The following GRM1 variants were observed in gnomAD, a reference collection of about 807,000 sequenced individuals.
GRM1 encodes metabotropic glutamate receptor 1.
GRM1 carries 33 observed loss-of-function variants against 90.9 expected under a neutral mutation model. That is an observed-to-expected ratio of 0.36 (90% CI 0.28 to 0.49). The LOEUF (loss-of-function observed/expected upper bound fraction) is 0.49. Among genes scored for constraint, GRM1 ranks in the 20% least tolerant of loss-of-function variants. The pLI is 0.99. For synonymous variants in GRM1, 700 were observed against 613.2 expected, an observed-to-expected ratio of 1.14 and a Z score of -2.09; for missense variants, 1,190 against 1,534.3, an observed-to-expected ratio of 0.78 and a Z score of 3.75.
intron 1 of GRM1, among the ~76,000 whole-genome samples, chr6:146,110,643 C>G (rs1365806702): frequency 6.6e-6 from 1 of 152,180 alleles, no homozygotes; most frequent in African/African-American, 2.4e-5. Context: ...CCATTCAAGT[C>G]TCCCTCCTTC....
intron 1 of GRM1, among the ~76,000 whole-genome samples, chr6:146,070,398 G>A (rs1449600972): frequency 1.3e-5 from 2 of 152,114 alleles, no homozygotes; most frequent in Non-Finnish European, 2.9e-5. Context: ...TAAGATTTAT[G>A]AAGGGGAAAA....
chr6:146,151,262 A>C (rs1777324523), intron 1 of GRM1, among the ~76,000 whole-genome samples: 5 of 152,226 alleles, frequency 3.3e-5, no homozygotes, highest in Admixed American at 3.3e-4. Flanking sequence ...TTTTAGTGAA[A>C]GTGTACAAAC....
intron 1 of GRM1, among the ~76,000 whole-genome samples, chr6:146,052,893 A>C (rs1007445521): frequency 6.6e-6 from 1 of 152,060 alleles, no homozygotes; most frequent in Admixed American, 6.6e-5. Context: ...CTAACAGGAC[A>C]CCGTCATATT....
At chr6:146,274,392 A>G (rs939590511) in intron 2 of GRM1, among the ~76,000 whole-genome samples, 2 of 152,202 alleles carry the variant, frequency 1.3e-5, no homozygotes, top group Non-Finnish European at 2.9e-5. Flanking sequence ...AAAGAATATC[A>G]CCTCCATACC....
chr6:146,208,749 C>T (rs1349915651), intron 2 of GRM1, among the ~76,000 whole-genome samples: 1 of 152,080 alleles, frequency 6.6e-6, no homozygotes, highest in African/African-American at 2.4e-5. Context: ...AGATAAATTA[C>T]TGGCAGTATT....
In GRM1 at chr6:146,081,874, G is replaced by A. The variant is rs73578814; in HGVS notation, c.700+51657G>A. ...ATACAAAGTTTATAAGTAAAATACT[G>A]TGGCAACAAAATAAAAATTATTTTT... is the stretch of plus-strand genomic sequence containing the variant. On this transcript the variant is annotated intron_variant, in intron 1 of 7. Coordinates refer to ENST00000282753, the MANE Select transcript of GRM1 (RefSeq NM_001278064.2). Among the ~76,000 whole-genome samples, 1,519 of 152,228 alleles carry A rather than the reference G, an allele frequency of 1.0e-2. 22 individuals are homozygous for A. Among genetic ancestry groups the A allele is most frequent in the African/African-American group, 0.035 (1,441 of 41,534 alleles).
chr6:146,296,953 T>C (rs1167582606), intron 2 of GRM1, among the ~76,000 whole-genome samples: 1 of 152,208 alleles, frequency 6.6e-6, no homozygotes, highest in African/African-American at 2.4e-5. Flanking sequence ...CAGATGGGTG[T>C]TAGAATCGAT....
chr6:146,076,511 G>A (rs138704839), intron 1 of GRM1, among the ~76,000 whole-genome samples: 151 of 152,250 alleles, frequency 9.9e-4, no homozygotes, highest in African/African-American at 1.3e-3. Context: ...GATATAGCTC[G>A]AAGGTTTGCT....
rs1208403701 is a variant in GRM1 at position 146,434,546 on chromosome 6, A to G, written c.3335A>G (p.Glu1112Gly). The change falls in exon 8 of 8, where the codon GAG becomes GGG. Residue 1112 changes from glutamate (E) to glycine (G), a missense_variant. Coordinates refer to ENST00000282753, the MANE Select transcript of GRM1 (RefSeq NM_001278064.2). ...RFKLLQEYVY[E>G]HEREGNTEED... ...AAGCTCCTCCAGGAGTACGTGTATG[A>G]GCACGAGCGGGAAGGGAACACGGAA... The G allele has an allele frequency of 6.2e-7, 1 of 1,614,082 alleles. No homozygotes were observed. The highest frequency in any genetic ancestry group is 8.5e-7 in the Non-Finnish European group (1 of 1,180,008).
At chr6:146,168,760 C>T (rs1778000341) in intron 2 of GRM1, among the ~76,000 whole-genome samples, 1 of 151,988 alleles carries the variant, frequency 6.6e-6, no homozygotes, top group South Asian at 2.1e-4. Context: ...GGTCAATACT[C>T]TAGAGATATT....
chr6:146,429,307 T>C (rs75695667), intron 7 of GRM1, among the ~76,000 whole-genome samples: 11,433 of 152,240 alleles, frequency 0.075, 805 homozygotes, highest in African/African-American at 0.19. Context: ...ACCTTACAGC[T>C]AGTGGTGAGT....
chr6:146,386,675 T>C (rs140703978), intron 5 of GRM1, among the ~76,000 whole-genome samples: 10 of 152,142 alleles, frequency 6.6e-5, no homozygotes, highest in African/African-American at 2.2e-4. Context: ...TTGAAAAGCC[T>C]CCAAACCCAG....
At chr6:146,294,005 A>G (rs1783088028) in intron 2 of GRM1, among the ~76,000 whole-genome samples, 2 of 151,582 alleles carry the variant, frequency 1.3e-5, no homozygotes. Context: ...TTTTTCATCC[A>G]TGACAATAAT....
At chr6:146,144,787 G>A (rs920692327) in intron 1 of GRM1, among the ~76,000 whole-genome samples, 2 of 152,160 alleles carry the variant, frequency 1.3e-5, no homozygotes, top group African/African-American at 4.8e-5. Context: ...TCTGATGAGG[G>A]CTTAGAAGAC....
At chr6:146,216,784 A>C (rs1295141957) in intron 2 of GRM1, among the ~76,000 whole-genome samples, 3 of 152,192 alleles carry the variant, frequency 2.0e-5, no homozygotes, top group Admixed American at 2.0e-4. Flanking sequence ...ATTGTTGAGA[A>C]CATTTCATTG....
At chr6:146,155,393 G>T (rs1291829748) in intron 1 of GRM1, among the ~76,000 whole-genome samples, 1 of 152,132 alleles carries the variant, frequency 6.6e-6, no homozygotes, top group South Asian at 2.1e-4. Context: ...TAGGCTATTC[G>T]ATATACCATA....
At chr6:146,168,396 A>G (rs1357027293) in intron 2 of GRM1, among the ~76,000 whole-genome samples, 2 of 151,600 alleles carry the variant, frequency 1.3e-5, no homozygotes, top group Non-Finnish European at 2.9e-5. Context: ...CTGACTTTTG[A>G]TTCTATTGTT....
intron 4 of GRM1, among the ~76,000 whole-genome samples, chr6:146,354,485 A>C (rs1785515904): frequency 6.6e-6 from 1 of 152,172 alleles, no homozygotes; most frequent in Non-Finnish European, 1.5e-5. Flanking sequence ...AGTTATCTAA[A>C]ATGTCGGTGC....
chr6:146,090,148 C>T (rs1776669215), intron 1 of GRM1, among the ~76,000 whole-genome samples: 1 of 151,942 alleles, frequency 6.6e-6, no homozygotes. Context: ...TATAGTAGAC[C>T]TTTGAAATCC....
Sources: gnomAD v4.1 joint callset for allele counts (sites outside exome capture counted in the v4.1 genomes callset) on GRCh38, gnomAD v4.1.1 for gene constraint, MANE v1.5 for transcripts, NCBI Gene and HGNC (gene_info 2026-07-23, HGNC 2026-07-21) for gene names.